Variants in TIAM1 observed in about 807,000 individuals in gnomAD.
The protein encoded by TIAM1 is rho guanine nucleotide exchange factor TIAM1.
TIAM1 carries 65 observed loss-of-function variants against 163.5 expected under a neutral mutation model. The ratio of observed to expected loss-of-function variants is 0.40; its 90% CI spans 0.33 to 0.49. The LOEUF (loss-of-function observed/expected upper bound fraction) is 0.49. Ranked by LOEUF, TIAM1 falls within the 20% of genes least tolerant of loss-of-function variation. The probability of loss-of-function intolerance (pLI) is 0.77; values close to 1 mark genes in which losing one functional copy is unlikely to be tolerated. For missense variants in TIAM1, 1,789 were observed against 2,044.7 expected (o/e 0.87, Z 2.41); for synonymous variants, 833 against 810.1 (o/e 1.03, Z -0.48).
At chr21:31,438,241 G>C (rs1007743847) in intron 2 of TIAM1, among the ~76,000 whole-genome samples, 9 of 135,986 alleles carry the variant, frequency 6.6e-5, no homozygotes, top group Admixed American at 5.7e-4. Flanking sequence ...GCCCAGACTG[G>C]AGTGCAGTGG....
At chr21:31,238,830 TAGGCTTGATTTG>T (rs2071024155) in intron 6 of TIAM1, among the ~76,000 whole-genome samples, 1 of 152,192 alleles carries the variant, frequency 6.6e-6, no homozygotes, top group South Asian at 2.1e-4. Flanking sequence ...TGGAGAAACA[TAGGCTTGATTTG>T]AGTTGAGTTT....
chr21:31,529,929 G>A (rs1313021393), intron 1 of TIAM1, among the ~76,000 whole-genome samples: 1 of 152,144 alleles, frequency 6.6e-6, no homozygotes, highest in Non-Finnish European at 1.5e-5. Context: ...GGACATTACA[G>A]CATTCTCTTG....
intron 12 of TIAM1, among the ~76,000 whole-genome samples, chr21:31,197,278 AG>A (rs1455929960): frequency 2.6e-5 from 4 of 152,360 alleles, no homozygotes; most frequent in Middle Eastern, 3.4e-3. Context: ...TAAACAAAAA[AG>A]GCTGGAAAAA....
chr21:31,518,809 C>T (rs576758317), intron 1 of TIAM1, among the ~76,000 whole-genome samples: 4 of 152,270 alleles, frequency 2.6e-5, no homozygotes, highest in African/African-American at 7.2e-5. Context: ...CATGCCTGGC[C>T]GGCTCCAGTG....
intron 2 of TIAM1, among the ~76,000 whole-genome samples, chr21:31,361,076 T>C (rs1284529360): frequency 6.6e-6 from 1 of 152,146 alleles, no homozygotes; most frequent in African/African-American, 2.4e-5. Flanking sequence ...AAAAAGTCCA[T>C]TGTAGCACTA....
chr21:31,349,366 G>A (rs970639295), intron 2 of TIAM1, among the ~76,000 whole-genome samples: 3 of 152,178 alleles, frequency 2.0e-5, no homozygotes, highest in East Asian at 1.9e-4. Flanking sequence ...GGAAACATCC[G>A]TGAGCTCTTA....
intron 2 of TIAM1, among the ~76,000 whole-genome samples, chr21:31,415,231 G>A (rs1181166241): frequency 6.6e-6 from 1 of 152,120 alleles, no homozygotes; most frequent in African/African-American, 2.4e-5. Flanking sequence ...ACAAGGTCAG[G>A]AATCCTCAGT....
intron 6 of TIAM1, among the ~76,000 whole-genome samples, chr21:31,235,548 G>T (rs982670142): frequency 1.3e-5 from 2 of 152,128 alleles, no homozygotes; most frequent in Non-Finnish European, 2.9e-5. Flanking sequence ...GTTAATGAGG[G>T]CAAATACAAG....
At chr21:31,374,003 C>T (rs1343792295) in intron 2 of TIAM1, among the ~76,000 whole-genome samples, 2 of 152,046 alleles carry the variant, frequency 1.3e-5, no homozygotes, top group Admixed American at 1.3e-4. Context: ...AAGCCCCACC[C>T]CCACCACATC....
chr21:31,451,760 T>TGTGA lies in TIAM1; in HGVS notation c.-369+12222_-369+12223insTCAC, dbSNP rs1491328799. Among the ~76,000 whole-genome samples the TGTGA allele has an allele frequency of 2.4e-3, 330 of 138,186 alleles. 1 individual carries two copies. The highest frequency in any genetic ancestry group is 7.1e-3 in the African/African-American group (242 of 34,276). 90.7% of individuals were successfully genotyped at this position (138,186 alleles called of 152,430 possible). ...GTGTGTGTGTGTGTGTGTGTGTGTGTGAGACACAGAGAGAGAGAGAGAGAG... is the reference window on the plus strand; with the variant it reads ...GTGTGTGTGTGTGTGTGTGTGTGTGTGTGAGAGACACAGAGAGAGAGAGAGAGAG... On this transcript the variant is annotated intron_variant, in intron 2 of 28. Coordinates refer to the TIAM1 transcript ENST00000286827.
At chr21:31,342,500 TTG>T (rs1372683115) in intron 1 of TIAM1, among the ~76,000 whole-genome samples, 4 of 152,336 alleles carry the variant, frequency 2.6e-5, no homozygotes, top group African/African-American at 9.6e-5. Flanking sequence ...CTAAAAACCT[TTG>T]CTCTATGAAC....
At chr21:31,189,000 A>G (rs1041438602) in intron 13 of TIAM1, among the ~76,000 whole-genome samples, 3 of 140,922 alleles carry the variant, frequency 2.1e-5, no homozygotes, top group Non-Finnish European at 4.6e-5. Context: ...AGCCAATTAG[A>G]TGGAGACATG....
Position 31,146,885 on chromosome 21 carries a change from G to A in TIAM1, c.3475+10C>T, listed in dbSNP as rs1360580176. 1.9e-6 allele frequency: 3 copies of A among 1,611,626 alleles called. No homozygotes were observed. Among genetic ancestry groups the A allele is most frequent in the Middle Eastern group, 1.7e-4 (1 of 6,052 alleles). ...ACACACCCCCACCTCCACATCCTCA[G>A]AGGCCTTACCTTTCACCAGGACCTT... On this transcript the variant is annotated intron_variant, in intron 20 of 27. Transcript: ENST00000541036.
At chr21:31,508,088 G>A (rs1309048536) in intron 1 of TIAM1, among the ~76,000 whole-genome samples, 3 of 152,200 alleles carry the variant, frequency 2.0e-5, no homozygotes, top group Non-Finnish European at 2.9e-5. Context: ...CAGGAAGGAC[G>A]CAGCTGCACA....
At chr21:31,336,488 CT>C (rs34052300) in intron 2 of TIAM1, among the ~76,000 whole-genome samples, 15,307 of 125,400 alleles carry the variant, frequency 0.12, 874 homozygotes, top group East Asian at 0.41. Flanking sequence ...TTGCCCCTTG[CT>C]TTTTTTTTTT....
At chr21:31,403,733 G>A (rs2077203423) in intron 2 of TIAM1, among the ~76,000 whole-genome samples, 1 of 152,132 alleles carries the variant, frequency 6.6e-6, no homozygotes, top group African/African-American at 2.4e-5. Context: ...ATTGCTGGGG[G>A]CTGGAGAATA....
intron 2 of TIAM1, among the ~76,000 whole-genome samples, chr21:31,320,334 G>A (rs943735805): frequency 6.6e-6 from 1 of 152,142 alleles, no homozygotes; most frequent in African/African-American, 2.4e-5. Flanking sequence ...ATTGCTTGCT[G>A]GGTACATATT....
intron 1 of TIAM1, among the ~76,000 whole-genome samples, chr21:31,555,611 C>T (rs1017235358): frequency 6.6e-6 from 1 of 152,126 alleles, no homozygotes; most frequent in Non-Finnish European, 1.5e-5. Flanking sequence ...TCCCACTCCT[C>T]TGCCCTCCTC....
rs1333895294 is a variant in TIAM1, at chr21:31,423,856, GGGGGGGC to G, written c.-369+40120_-369+40126del. The stretch of plus-strand genomic sequence containing the variant: ...AAAGAAAGTAAATTAATGATTATCG[GGGGGGGC>G]GGGGGGGGGGTCAAGGGAGTTGGGG... On this transcript the variant is annotated intron_variant, in intron 2 of 28. Coordinates refer to the TIAM1 transcript ENST00000286827. Among the ~76,000 whole-genome samples the G allele has an allele frequency of 7.5e-3, 883 of 117,420 alleles. 24 individuals carry two copies. Among genetic ancestry groups the G allele is most frequent in the African/African-American group, 0.037 (828 of 22,322 alleles). The allele number at this position is 117,420 out of a possible 152,430, so 77.0% of individuals were successfully genotyped here. A position where few individuals can be genotyped will look rare whatever the true frequency, so the allele number is the denominator to read the frequency against.
Sources: gnomAD v4.1 joint callset for allele counts (sites outside exome capture counted in the v4.1 genomes callset) on GRCh38, gnomAD v4.1.1 for gene constraint, MANE v1.5 for transcripts, NCBI Gene and HGNC (gene_info 2026-07-23, HGNC 2026-07-21) for gene names.